Variants in MED13 observed in about 807,000 individuals in gnomAD.
The protein encoded by MED13 is mediator of RNA polymerase II transcription subunit 13.
A neutral mutation model predicts 225.2 loss-of-function variants in MED13; 23 were observed. That is an observed-to-expected ratio of 0.10 (90% confidence interval 0.07 to 0.14). MED13 has a LOEUF of 0.14. Ranked by LOEUF, MED13 falls within the 10% of genes least tolerant of loss-of-function variation. MED13 has a pLI of 1.00. For synonymous variants in MED13, 942 were observed against 889.2 expected, an observed-to-expected ratio of 1.06 and a Z score of -1.06; for missense variants, 2,197 against 2,594.5, an observed-to-expected ratio of 0.85 and a Z score of 3.33.
intron 20 of MED13, among the ~76,000 whole-genome samples, chr17:61,964,653 T>C (rs2080038056): frequency 6.6e-6 from 1 of 151,860 alleles, no homozygotes; most frequent in Non-Finnish European, 1.5e-5. Flanking sequence ...AAAAGCAGCA[T>C]GGCTGGGCGT....
At position 61,960,965 on chromosome 17, in the gene MED13, G is replaced by A. The variant is rs1246774349; in HGVS notation, c.5382C>T (p.Tyr1794=). 2.5e-6 allele frequency: 4 copies of A among 1,613,722 alleles called. No homozygotes were observed. The Admixed American group carries it at 5.0e-5, about 20-fold the overall frequency. Residue 1794 remains tyrosine (Y), a synonymous_variant, in exon 23 of 30, where the codon TAC becomes TAT. Transcript: ENST00000397786. The part of the protein sequence containing the change: ...GQKYNVLFVG[Y]CLSHDQRWIL... ...TCCACCTTTGATCATGTGATAAACA[G>A]TATCCCACAAAAAGAACATTATATT... is the stretch of plus-strand genomic sequence containing the variant.
chr17:62,038,758 G>A (rs917852327), intron 3 of MED13, among the ~76,000 whole-genome samples: 2 of 152,184 alleles, frequency 1.3e-5, no homozygotes, highest in Admixed American at 1.3e-4. Flanking sequence ...CAAACTACTG[G>A]ACTCAAGAAA....
chr17:62,065,195 G>T lies in MED13; in HGVS notation c.11C>A (p.Ser4Tyr). MSA[S>Y]FVPNGASLED... Reference sequence around the variant, plus strand: ...CAGGCTGGCCCCGTTCGGCACGAAGGAGGCACTCATCGTCCCTCACAGCAG... The same window carrying T: ...CAGGCTGGCCCCGTTCGGCACGAAGTAGGCACTCATCGTCCCTCACAGCAG... Residue 4 changes from serine to tyrosine, a missense_variant, in exon 1 of 30, where the codon TCC becomes TAC. By Grantham distance (144) the Ser-to-Tyr change is moderately radical. This residue lies in a region of MED13 where 884 missense variants were observed against 918.5 expected (regional missense o/e 0.96). Coordinates refer to ENST00000397786, the MANE Select transcript of MED13 (RefSeq NM_005121.3). 6.3e-7 allele frequency: 1 copy of T among 1,577,074 alleles called. No individual in the cohort carries two copies. The highest frequency in any genetic ancestry group is 8.6e-7 in the Non-Finnish European group (1 of 1,163,154).
chr17:62,026,741 T>C (rs2080706297), intron 8 of MED13, among the ~76,000 whole-genome samples: 1 of 152,094 alleles, frequency 6.6e-6, no homozygotes. Context: ...CAGTAAAATT[T>C]CAGGATACAA....
At chr17:61,988,505 C>T (rs2080267393) in intron 11 of MED13, among the ~76,000 whole-genome samples, 2 of 152,196 alleles carry the variant, frequency 1.3e-5, no homozygotes, top group African/African-American at 2.4e-5. Context: ...TAAAGATTCA[C>T]TAGAGTTGTG....
In MED13 at chr17:61,965,042, G is replaced by A. The variant is rs767359388; in HGVS notation, c.4808C>T (p.Ser1603Leu). 17 of 1,613,980 alleles carry A rather than the reference G, an allele frequency of 1.1e-5. No homozygotes were observed. The East Asian group carries it at 3.3e-4, about 32-fold the overall frequency. ...QTAGISGESSSLPTQPHPDVS... is the reference protein window; with the variant it reads ...QTAGISGESSLLPTQPHPDVS... Reference sequence around the variant, plus strand: ...ATCAGGATGCGGCTGAGTGGGAAGTGAAGATGATTCTCCAGAAATCCCAGC... The same window carrying A: ...ATCAGGATGCGGCTGAGTGGGAAGTAAAGATGATTCTCCAGAAATCCCAGC... The change falls in exon 20 of 30, where the codon TCA becomes TTA. Residue 1603 changes from serine to leucine, a missense_variant. Transcript: ENST00000397786.
chr17:61,978,453 G>C (rs113831025), intron 16 of MED13, among the ~76,000 whole-genome samples: 4 of 151,972 alleles, frequency 2.6e-5, no homozygotes, highest in Non-Finnish European at 4.4e-5. Context: ...GGTTTCACTA[G>C]GTTGGTCAGG....
At chr17:61,975,658 G>A (rs1294731162) in intron 16 of MED13, among the ~76,000 whole-genome samples, 1 of 152,114 alleles carries the variant, frequency 6.6e-6, no homozygotes, top group Non-Finnish European at 1.5e-5. Flanking sequence ...GTTGGTGGTT[G>A]CAATGAGCCA....
intron 3 of MED13, among the ~76,000 whole-genome samples, chr17:62,048,123 G>A (rs1415999906): frequency 2.0e-5 from 3 of 147,426 alleles, no homozygotes; most frequent in Non-Finnish European, 4.5e-5. Context: ...AAAAGAGAAG[G>A]GGCTGGACAC....
chr17:61,992,668 C>A, intron 10 of MED13, 47 bp from the exon 11 acceptor site: 1 of 1,338,834 alleles, frequency 7.5e-7, no homozygotes, highest in Non-Finnish European at 1.1e-6. Flanking sequence ...AATTTACCAA[C>A]AATAAAATCT....
intron 10 of MED13, 112 bp downstream of exon 10, chr17:61,995,040 C>A: frequency 1.2e-6 from 1 of 827,166 alleles, no homozygotes; most frequent in Non-Finnish European, 1.9e-6. Context: ...TAAATGATTA[C>A]TCTTTCTATT....
At chr17:62,031,751 T>C (rs755914667) in intron 5 of MED13, 113 bp from the exon 6 acceptor site, 4 of 546,766 alleles carry the variant, frequency 7.3e-6, no homozygotes, top group African/African-American at 3.9e-5. Flanking sequence ...CAAATAAAAA[T>C]ACATTTTTAT....
chr17:61,970,369 A>G (rs2080096157), intron 17 of MED13, among the ~76,000 whole-genome samples: 1 of 152,088 alleles, frequency 6.6e-6, no homozygotes, highest in Non-Finnish European at 1.5e-5. Flanking sequence ...AGGCACTTTA[A>G]CTGGTGGGAA....
At chr17:62,030,603 T>A (rs2080746221) in intron 6 of MED13, 1 of 152,260 alleles carries the variant, frequency 6.6e-6, no homozygotes, top group Non-Finnish European at 1.5e-5. Context: ...CACTTTAGTG[T>A]TCTCATTTAG....
At chr17:61,947,774 A>G (rs566943657) in intron 28 of MED13, among the ~76,000 whole-genome samples, 108 of 152,342 alleles carry the variant, frequency 7.1e-4, no homozygotes, top group Non-Finnish European at 1.3e-3. Flanking sequence ...TAGTGGGAGA[A>G]AGGAATAAAC....
chr17:61,981,723 T>C (rs1194567721), intron 16 of MED13, among the ~76,000 whole-genome samples: 1 of 152,232 alleles, frequency 6.6e-6, no homozygotes, highest in African/African-American at 2.4e-5. Flanking sequence ...TTGTTCTGTT[T>C]TACTCTGCTT....
intron 3 of MED13, among the ~76,000 whole-genome samples, chr17:62,048,699 T>G (rs995989622): frequency 1.3e-5 from 2 of 152,132 alleles, no homozygotes; most frequent in Non-Finnish European, 2.9e-5. Flanking sequence ...GTCAGAGTAC[T>G]GAAAGTCTCC....
Position 61,982,510 on chromosome 17 carries a change from C to A in MED13, c.3493G>T (p.Ala1165Ser), listed in dbSNP as rs2080213716. Residue 1165 changes from alanine (A) to serine (S), a missense_variant, in exon 16 of 30, where the codon GCT becomes TCT. Ala to Ser is a moderately conservative substitution (Grantham distance 99). Around this residue, in one of 12 missense-constraint regions of MED13, gnomAD observed 203 missense variants for 209.7 expected, o/e 0.97. Coordinates refer to ENST00000397786, the MANE Select transcript of MED13 (RefSeq NM_005121.3). ...TGTTCAGCAGAGGTAGCCCTGAGAGCTTCAAAACGTTTTTCTGCTTCTTTG... is the reference window on the plus strand; with the variant it reads ...TGTTCAGCAGAGGTAGCCCTGAGAGATTCAAAACGTTTTTCTGCTTCTTTG... ...CGKEAEKRFE[A>S]LRATSAEHVN... is the part of the protein sequence containing the mutation. The A allele has an allele frequency of 6.2e-7, 1 of 1,614,036 alleles. No homozygotes were observed. The highest frequency in any genetic ancestry group is 1.3e-5 in the African/African-American group (1 of 74,912).
intron 2 of MED13, among the ~76,000 whole-genome samples, chr17:62,056,285 C>T (rs944049379): frequency 1.3e-5 from 2 of 152,084 alleles, no homozygotes; most frequent in Non-Finnish European, 2.9e-5. Context: ...TGAAATGGTA[C>T]AACCAACCCA....
Sources: gnomAD v4.1 joint callset for allele counts (sites outside exome capture counted in the v4.1 genomes callset) on GRCh38, gnomAD v4.1.1 for gene constraint, gnomAD v4.1.1 regional missense constraint, MANE v1.5 for transcripts, NCBI Gene and HGNC (gene_info 2026-07-23, HGNC 2026-07-21) for gene names.